Variants in ROR1 observed in about 807,000 individuals in gnomAD.
ROR1 encodes ROR family WNT receptor 1.
A neutral mutation model predicts 78.8 loss-of-function variants in ROR1; 19 were observed. The observed-to-expected ratio is 0.24, with a 90% confidence interval of 0.17 to 0.35. The LOEUF is 0.35. ROR1 is among the 10% of genes least tolerant of loss of function. ROR1 has a pLI of 1.00. For synonymous variants in ROR1, 386 were observed against 433.6 expected (o/e 0.89, Z 1.36); for missense variants, 917 against 1,177.8 (o/e 0.78, Z 3.24).
intron 1 of ROR1, among the ~76,000 whole-genome samples, chr1:63,875,742 A>G (rs1037305147): frequency 6.6e-6 from 1 of 152,174 alleles, no homozygotes; most frequent in Non-Finnish European, 1.5e-5. Flanking sequence ...GCTTGCCACC[A>G]TGAACTGGGC....
chr1:64,154,313 C>G (rs921121799), intron 7 of ROR1, among the ~76,000 whole-genome samples: 1 of 152,224 alleles, frequency 6.6e-6, no homozygotes, highest in Admixed American at 6.5e-5. Context: ...GTGCTACCAA[C>G]CTGCTTATTT....
chr1:63,788,913 A>G, intron 1 of ROR1: 7 of 870,786 alleles, frequency 8.0e-6, no homozygotes, highest in South Asian at 7.8e-5. Context: ...GTTTTTGAAC[A>G]CGTTCCCCTT....
chr1:64,051,467 T>TAA (rs1241586067), intron 4 of ROR1, among the ~76,000 whole-genome samples: 1 of 24,658 alleles, frequency 4.1e-5, no homozygotes. Context: ...AAAAATAAAA[T>TAA]AAAATAAAAT....
intron 1 of ROR1, among the ~76,000 whole-genome samples, chr1:63,793,217 C>T (rs904910552): frequency 6.6e-6 from 1 of 152,164 alleles, no homozygotes; most frequent in African/African-American, 2.4e-5. Flanking sequence ...GAAGTTATCC[C>T]AAACTTCATA....
At chr1:63,997,829 G>A (rs925167567) in intron 1 of ROR1, among the ~76,000 whole-genome samples, 5 of 86,232 alleles carry the variant, frequency 5.8e-5, no homozygotes, top group Admixed American at 1.5e-4. Flanking sequence ...TCTATGATTA[G>A]TGTTTTTTTT....
At chr1:64,160,674 G>T (rs2100731123) in intron 8 of ROR1, among the ~76,000 whole-genome samples, 1 of 152,264 alleles carries the variant, frequency 6.6e-6, no homozygotes, top group South Asian at 2.1e-4. Flanking sequence ...CAAATGGATG[G>T]GGGTTAATAT....
intron 4 of ROR1, among the ~76,000 whole-genome samples, chr1:64,135,935 T>C (rs1015956433): frequency 6.6e-6 from 1 of 152,102 alleles, no homozygotes; most frequent in Non-Finnish European, 1.5e-5. Context: ...ATCAGGTGAT[T>C]TTTCCACTTG....
intron 1 of ROR1, among the ~76,000 whole-genome samples, chr1:63,916,586 G>A (rs146238704): frequency 1.1e-3 from 174 of 152,330 alleles, no homozygotes; most frequent in African/African-American, 3.9e-3. Flanking sequence ...TTGTGCCAGT[G>A]TAATTTGCCT....
At chr1:63,955,152 A>G (rs1157398473) in intron 1 of ROR1, among the ~76,000 whole-genome samples, 4 of 152,232 alleles carry the variant, frequency 2.6e-5, no homozygotes, top group African/African-American at 9.6e-5. Context: ...TTTGGCAAAC[A>G]CAAGGACCTT....
intron 2 of ROR1, among the ~76,000 whole-genome samples, chr1:64,010,949 C>T (rs902410972): frequency 3.3e-5 from 5 of 152,138 alleles, no homozygotes; most frequent in Non-Finnish European, 7.4e-5. Context: ...ATAAATTACC[C>T]AGTCTTGGGC....
At chr1:63,882,375 C>G (rs984297045) in intron 1 of ROR1, among the ~76,000 whole-genome samples, 1 of 152,094 alleles carries the variant, frequency 6.6e-6, no homozygotes, top group Non-Finnish European at 1.5e-5. Context: ...TGGCAGGCAC[C>G]CTTTAGAGCT....
chr1:63,909,213 C>T (rs1181433766), intron 1 of ROR1, among the ~76,000 whole-genome samples: 4 of 152,160 alleles, frequency 2.6e-5, no homozygotes, highest in Middle Eastern at 3.4e-3. Flanking sequence ...AGCTTGAGCA[C>T]GAATACTTTT....
At chr1:63,778,729 C>G (rs1400218181) in intron 1 of ROR1, among the ~76,000 whole-genome samples, 4 of 152,168 alleles carry the variant, frequency 2.6e-5, no homozygotes, top group East Asian at 1.9e-4. Context: ...CACAACAACC[C>G]TATAAGGGAG....
chr1:63,857,955 A>C (rs1645158845), intron 1 of ROR1, among the ~76,000 whole-genome samples: 1 of 152,142 alleles, frequency 6.6e-6, no homozygotes, highest in Non-Finnish European at 1.5e-5. Context: ...ATAAGATGTA[A>C]TTTGTCAGGT....
intron 1 of ROR1, among the ~76,000 whole-genome samples, chr1:63,778,441 G>C (rs184421045): frequency 1.2e-4 from 18 of 152,264 alleles, no homozygotes; most frequent in Admixed American, 2.6e-4. Context: ...GTTGAGTGTT[G>C]GTGGCTAGTT....
intron 1 of ROR1, among the ~76,000 whole-genome samples, chr1:63,997,582 A>C (rs990109913): frequency 6.6e-6 from 1 of 152,136 alleles, no homozygotes; most frequent in East Asian, 1.9e-4. Context: ...CAGTTCATTT[A>C]AAGCTTTTTG....
In ROR1 at chr1:64,080,868, C is replaced by T. The variant is rs548405670; in HGVS notation, c.482+30152C>T. Among the ~76,000 whole-genome samples the T allele has an allele frequency of 2.6e-5, 4 of 152,274 alleles. No homozygotes were observed. In the East Asian group the frequency reaches 7.7e-4, roughly 29 times the overall value. On this transcript the variant is annotated intron_variant, in intron 4 of 8. Transcript: ENST00000371079. ...GTAGCCTTTCCAAGCCAGGATAAGA[C>T]CAAGACGGTGGTATGAAAGCAACTG...
chr1:64,105,026 G>A (rs577114233), intron 4 of ROR1, among the ~76,000 whole-genome samples: 1 of 152,324 alleles, frequency 6.6e-6, no homozygotes, highest in Non-Finnish European at 1.5e-5. Context: ...AGGTCCTTGA[G>A]GAATTGCTGT....
intron 4 of ROR1, among the ~76,000 whole-genome samples, chr1:64,127,506 G>A (rs201427706): frequency 6.9e-6 from 1 of 145,874 alleles, no homozygotes; most frequent in Admixed American, 6.8e-5. Context: ...CTCTCTCTCT[G>A]TCTCTCTCTC....
Sources: gnomAD v4.1 joint callset for allele counts (sites outside exome capture counted in the v4.1 genomes callset) on GRCh38, gnomAD v4.1.1 for gene constraint, MANE v1.5 for transcripts, NCBI Gene and HGNC (gene_info 2026-07-23, HGNC 2026-07-21) for gene names.